NEIL3: variants seen among roughly 807,000 people sequenced by gnomAD.
The protein encoded by NEIL3 is endonuclease 8-like 3.
In NEIL3, 48 loss-of-function variants were observed where a neutral mutation model predicts 57.5. That is an observed-to-expected ratio of 0.83 (90% CI 0.66 to 1.06). NEIL3 has a LOEUF of 1.06. Ranked by LOEUF, NEIL3 falls within the 50% of genes least tolerant of loss-of-function variation. The pLI, the probability that NEIL3 is intolerant of heterozygous loss-of-function variation, is 0.00. For synonymous variants in NEIL3, 261 were observed against 253.2 expected, an observed-to-expected ratio of 1.03 and a Z score of -0.29; for missense variants, 717 against 739.1, an observed-to-expected ratio of 0.97 and a Z score of 0.35.
At chr4:177,320,603 G>T (rs1434954116) in intron 1 of NEIL3, among the ~76,000 whole-genome samples, 1 of 147,426 alleles carries the variant, frequency 6.8e-6, no homozygotes, top group African/African-American at 2.5e-5. Context: ...TCAGCCTCCC[G>T]AGTAGCTGGG....
At position 177,310,086 on chromosome 4, in the gene NEIL3, T is replaced by C; in HGVS notation, c.133T>C (p.Ser45Pro). Residue 45 changes from serine to proline, a missense_variant, in exon 1 of 10, where the codon TCC becomes CCC. Coordinates refer to ENST00000264596, the MANE Select transcript of NEIL3 (RefSeq NM_018248.3). The stretch of plus-strand genomic sequence containing the variant: ...GGGCCGCGCCTTGCGGCTCGCAGCC[T>C]CCACGGTTGTGGTCTCCCCGCAGGT... ...LQGRALRLAA[S>P]TVVVSPQAAA... 1 of 1,594,406 alleles carries C rather than the reference T, an allele frequency of 6.3e-7. No individual in the cohort carries two copies. Among genetic ancestry groups the C allele is most frequent in the South Asian group, 1.1e-5 (1 of 88,862 alleles).
chr4:177,335,611 A>T (rs35883662), intron 2 of NEIL3, 77 bp from the exon 3 acceptor site: 1 of 1,397,474 alleles, frequency 7.2e-7, no homozygotes, highest in Non-Finnish European at 9.9e-7. Context: ...AATCCAAAAA[A>T]AAAATGATAG....
At chr4:177,330,873 C>G (rs1167810989) in intron 2 of NEIL3, among the ~76,000 whole-genome samples, 1 of 152,104 alleles carries the variant, frequency 6.6e-6, no homozygotes, top group Non-Finnish European at 1.5e-5. Context: ...TTAATTTGAA[C>G]TAATAACATT....
intron 7 of NEIL3, 69 bp from the exon 8 acceptor site, chr4:177,353,235 TAAAA>T: frequency 7.7e-7 from 1 of 1,299,340 alleles, no homozygotes; most frequent in South Asian, 1.3e-5. Context: ...TTTAATCAAA[TAAAA>T]AGATGTTTCA....
intron 6 of NEIL3, among the ~76,000 whole-genome samples, chr4:177,346,366 G>A (rs1735221013): frequency 6.6e-6 from 1 of 151,684 alleles, no homozygotes; most frequent in African/African-American, 2.4e-5. Flanking sequence ...ATGGAATCTT[G>A]TTATGTTGCC....
At chr4:177,368,560 T>A in the NEIL3 span, among the ~76,000 whole-genome samples, 1 of 152,242 alleles carries the variant, frequency 6.6e-6, no homozygotes, top group South Asian at 2.1e-4. Context: ...TATATATGAC[T>A]CTTCCTTATT....
Position 177,351,502 on chromosome 4 carries a change from A to C in NEIL3, c.992A>C (p.Lys331Thr). The C allele has an allele frequency of 3.1e-6, 5 of 1,614,056 alleles. No individual in the cohort carries two copies. Among genetic ancestry groups the C allele is most frequent in the Non-Finnish European group, 4.2e-6 (5 of 1,179,974 alleles). ...WTCVVCTLIN[K>T]PSSKACDACL... The stretch of plus-strand genomic sequence containing the variant: ...TGTGTGGTGTGTACTTTAATCAATA[A>C]GCCCTCTTCTAAGGCATGTGATGCT... Residue 331 changes from lysine to threonine, a missense_variant, in exon 7 of 10, where the codon AAG (lysine) becomes ACG (threonine). Transcript: ENST00000264596.
At position 177,336,250 on chromosome 4, in the gene NEIL3, G is replaced by A. The variant is rs145273162; in HGVS notation, c.556G>A (p.Val186Ile). The A allele has an allele frequency of 4.8e-5, 78 of 1,614,072 alleles. No individual in the cohort carries two copies. Among genetic ancestry groups the A allele is most frequent in the Admixed American group, 1.3e-4 (8 of 60,004 alleles). ...MLGDVLMDQN[V>I]LPGVGNIIKN... ...AGGTGATGTGCTAATGGATCAGAAC[G>A]TATTGCCTGGAGTAGGGAACATCAT... Residue 186 changes from valine to isoleucine, a missense_variant, in exon 4 of 10, where the codon GTA becomes ATA. Transcript: ENST00000264596.
the NEIL3 span, among the ~76,000 whole-genome samples, chr4:177,369,686 C>G: frequency 8.6e-5 from 13 of 151,942 alleles, no homozygotes; most frequent in African/African-American, 3.1e-4. Context: ...GTCAGACTGC[C>G]GGTCCCAAGA....
intron 1 of NEIL3, among the ~76,000 whole-genome samples, chr4:177,320,087 CA>C (rs1734649593): frequency 6.6e-6 from 1 of 152,116 alleles, no homozygotes; most frequent in Non-Finnish European, 1.5e-5. Flanking sequence ...AGTGTCCTGG[CA>C]AGTTTATAGG....
intron 6 of NEIL3, among the ~76,000 whole-genome samples, chr4:177,348,439 G>A (rs1735270848): frequency 6.6e-6 from 1 of 152,094 alleles, no homozygotes; most frequent in Admixed American, 6.6e-5. Flanking sequence ...TTTTGTTCAG[G>A]TCCTTCTCCT....
intron 2 of NEIL3, among the ~76,000 whole-genome samples, chr4:177,328,459 T>C (rs1734822904): frequency 6.6e-6 from 1 of 152,086 alleles, no homozygotes; most frequent in Non-Finnish European, 1.5e-5. Flanking sequence ...AAAAGAAACA[T>C]TGCATATTAA....
At chr4:177,360,800 G>A (rs1735593596) in intron 9 of NEIL3, 123 bp downstream of exon 9, 3 of 702,928 alleles carry the variant, frequency 4.3e-6, no homozygotes, top group South Asian at 2.7e-5. Flanking sequence ...AGCCATATTG[G>A]CATTCAGTCT....
chr4:177,315,561 T>C (rs972050116), intron 1 of NEIL3, among the ~76,000 whole-genome samples: 4 of 152,206 alleles, frequency 2.6e-5, no homozygotes, highest in South Asian at 4.1e-4. Flanking sequence ...AATTAGTTTT[T>C]GAATTTGGGC....
chr4:177,352,840 A>G (rs535349543), intron 7 of NEIL3, among the ~76,000 whole-genome samples: 123 of 138,586 alleles, frequency 8.9e-4, no homozygotes, highest in African/African-American at 2.9e-3. Flanking sequence ...AAAAAAAAAA[A>G]AAGAAGATGT....
chr4:177,349,349 C>G (rs995502342), intron 6 of NEIL3, among the ~76,000 whole-genome samples: 1 of 152,028 alleles, frequency 6.6e-6, no homozygotes, highest in African/African-American at 2.4e-5. Context: ...GGACTGTGCT[C>G]CCTCTGGAGG....
rs1735630759 is a variant in NEIL3 at position 177,362,583 on chromosome 4, A to G, written c.*112A>G. The G allele has an allele frequency of 1.3e-6, 1 of 775,716 alleles. No homozygotes were observed. The highest frequency in any genetic ancestry group is 2.9e-5 in the East Asian group (1 of 34,168). The allele number at this position is 775,716 out of a possible 1,614,324, so 48.1% of individuals were successfully genotyped here. ...CTATGATACATTGAAAAGTTACTGC[A>G]ATATTTGAGAACTGTTCTTTTTTTT... On this transcript the variant is annotated 3_prime_UTR_variant, in exon 10 of 10. Transcript: ENST00000264596.
rs374540296 is a variant in NEIL3, at chr4:177,345,223, T to C, written c.869+3581T>C. ...AAGGAAGTCTTTCTGAAAGAGGCAG[T>C]CTTTGAGCTTAGTATAGAAAGAAAT... On this transcript the variant is annotated intron_variant, in intron 6 of 9. Coordinates refer to ENST00000264596, the MANE Select transcript of NEIL3 (RefSeq NM_018248.3). Among the ~76,000 whole-genome samples, 6 of 152,278 alleles carry C rather than the reference T, an allele frequency of 3.9e-5. No homozygotes were observed. The South Asian group carries it at 1.2e-3, about 32-fold the overall frequency.
At chr4:177,314,638 A>G (rs1734539162) in intron 1 of NEIL3, among the ~76,000 whole-genome samples, 1 of 152,156 alleles carries the variant, frequency 6.6e-6, no homozygotes, top group South Asian at 2.1e-4. Context: ...AGTCTGAGTA[A>G]GTGCTTGAAG....
Sources: gnomAD v4.1 joint callset for allele counts (sites outside exome capture counted in the v4.1 genomes callset) on GRCh38, gnomAD v4.1.1 for gene constraint, MANE v1.5 for transcripts, NCBI Gene and HGNC (gene_info 2026-07-23, HGNC 2026-07-21) for gene names.